PSPC1: variants seen among roughly 807,000 people sequenced by gnomAD.
The protein encoded by PSPC1 is paraspeckle protein 1.
A neutral mutation model predicts 51.6 loss-of-function variants in PSPC1; 14 were observed. The observed-to-expected ratio is 0.27, with a 90% CI of 0.18 to 0.42. PSPC1 has a LOEUF of 0.42. PSPC1 is among the 10% of genes least tolerant of loss of function. The pLI is 1.00. For synonymous variants in PSPC1, 193 were observed against 231.9 expected (o/e 0.83, Z 1.53); for missense variants, 406 against 701.1 (o/e 0.58, Z 4.75).
downstream of PSPC1, chr13:19,672,667 C>G (rs937011121): frequency 1.3e-5 from 2 of 156,726 alleles, no homozygotes; most frequent in African/African-American, 2.4e-5. Flanking sequence ...ACACATTCCC[C>G]AAGCACAAAA....
intron 6 of PSPC1, among the ~76,000 whole-genome samples, chr13:19,722,934 A>AC (rs1180074434): frequency 3.3e-5 from 5 of 151,984 alleles, no homozygotes; most frequent in Non-Finnish European, 7.4e-5. Context: ...ACATGGTGAA[A>AC]CCCCATCTCT....
chr13:19,684,014 CA>C (rs1565955939), intron 6 of PSPC1, among the ~76,000 whole-genome samples: 2 of 152,014 alleles, frequency 1.3e-5, no homozygotes, highest in African/African-American at 4.8e-5. Flanking sequence ...TGAAAAATAC[CA>C]AATTCTAGAG....
intron 7 of PSPC1, 108 bp downstream of exon 7, chr13:19,709,434 T>A (rs2137770810): frequency 1.3e-6 from 1 of 791,590 alleles, no homozygotes; most frequent in Non-Finnish European, 2.0e-6. Context: ...CCTTTAGAAA[T>A]GTTGGTTCTG....
At chr13:19,699,909 T>C (rs565568201), downstream of PSPC1, among the ~76,000 whole-genome samples, 6 of 152,150 alleles carry the variant, frequency 3.9e-5, no homozygotes, top group Middle Eastern at 6.8e-3. Flanking sequence ...GTAACAAAAC[T>C]CTGAACACCT....
downstream of PSPC1, among the ~76,000 whole-genome samples, chr13:19,698,101 A>G (rs1879460841): frequency 6.6e-6 from 1 of 152,064 alleles, no homozygotes; most frequent in Admixed American, 6.6e-5. Flanking sequence ...AGCAGCTAGA[A>G]CAGGAAAGAA....
intron 2 of PSPC1, among the ~76,000 whole-genome samples, chr13:19,762,943 T>G (rs533300723): frequency 6.6e-6 from 1 of 151,834 alleles, no homozygotes; most frequent in East Asian, 2.0e-4. Context: ...CCGTCTCTAC[T>G]AAATACAAAA....
intron 6 of PSPC1, among the ~76,000 whole-genome samples, chr13:19,717,527 G>A (rs1332138797): frequency 1.3e-5 from 2 of 151,828 alleles, no homozygotes; most frequent in East Asian, 1.9e-4. Context: ...TCAACATGGT[G>A]AAACCCATCT....
intron 5 of PSPC1, among the ~76,000 whole-genome samples, chr13:19,732,183 A>C (rs1884197004): frequency 6.6e-6 from 1 of 152,198 alleles, no homozygotes; most frequent in Non-Finnish European, 1.5e-5. Flanking sequence ...AATCTGGACT[A>C]TTTTAAGATT....
At chr13:19,749,637 C>CT (rs59422281) in intron 4 of PSPC1, among the ~76,000 whole-genome samples, 97,515 of 138,262 alleles carry the variant, frequency 0.71, 35,950 homozygotes, top group East Asian at 0.89. Context: ...GACAGTTTAT[C>CT]TTTTTTTTTT....
At chr13:19,703,956 T>C (rs925325381) in intron 8 of PSPC1, among the ~76,000 whole-genome samples, 4 of 152,202 alleles carry the variant, frequency 2.6e-5, no homozygotes, top group African/African-American at 9.6e-5. Flanking sequence ...CATGCACTAA[T>C]AAGCACATTT....
Position 19,765,344 on chromosome 13 carries a change from AATT to A in PSPC1, c.675-5929_675-5927del, listed in dbSNP as rs749463540. On this transcript the variant is annotated intron_variant, in intron 2 of 8. Transcript: ENST00000338910. ...TCTCAAAAATAATAATAATAATAAT[AATT>A]ATTATTATTATTATTATTACCAGGA... is the stretch of plus-strand genomic sequence containing the variant. 1.3e-3 allele frequency among the ~76,000 whole-genome samples: 186 copies of A among 141,352 alleles called. 1 individual carries two copies. Among genetic ancestry groups the A allele is most frequent in the African/African-American group, 2.1e-3 (76 of 37,040 alleles). The allele number at this position is 141,352 out of a possible 152,430, so 92.7% of individuals were successfully genotyped here.
chr13:19,770,666 T>C (rs1888540706), intron 2 of PSPC1, among the ~76,000 whole-genome samples: 1 of 152,088 alleles, frequency 6.6e-6, no homozygotes, highest in Non-Finnish European at 1.5e-5. Flanking sequence ...TTCACGCTTG[T>C]AATCCCAACT....
intron 7 of PSPC1, among the ~76,000 whole-genome samples, chr13:19,706,589 C>T (rs1880701991): frequency 6.6e-6 from 1 of 151,852 alleles, no homozygotes; most frequent in Non-Finnish European, 1.5e-5. Context: ...TAAAAAAATC[C>T]ACCTACCTCA....
At chr13:19,682,673 C>T (rs1023339775) in intron 6 of PSPC1, among the ~76,000 whole-genome samples, 3 of 151,958 alleles carry the variant, frequency 2.0e-5, no homozygotes, top group Non-Finnish European at 4.4e-5. Flanking sequence ...GTCAAGGATG[C>T]GGAGGAACGG....
intron 6 of PSPC1, among the ~76,000 whole-genome samples, chr13:19,711,493 C>G (rs994934383): frequency 6.6e-6 from 1 of 151,968 alleles, no homozygotes; most frequent in African/African-American, 2.4e-5. Flanking sequence ...AAAAAATTAG[C>G]CAGGTGTGGT....
chr13:19,779,798 C>A (rs1889696660), intron 1 of PSPC1, among the ~76,000 whole-genome samples: 1 of 79,714 alleles, frequency 1.3e-5, no homozygotes, highest in Non-Finnish European at 2.6e-5. Flanking sequence ...CTCTGCCCGG[C>A]CGCCCCTACT....
intron 2 of PSPC1, among the ~76,000 whole-genome samples, chr13:19,765,497 ATT>A (rs68120306): frequency 0.77 from 96,155 of 124,170 alleles, 37,521 homozygotes; most frequent in East Asian, 0.9. Context: ...AAGGGATCTA[ATT>A]TTTTTTTTTT....
downstream of PSPC1, among the ~76,000 whole-genome samples, chr13:19,673,882 C>T (rs1186551893): frequency 2.0e-5 from 3 of 152,200 alleles, no homozygotes; most frequent in African/African-American, 7.2e-5. Flanking sequence ...CAGGTCAAGG[C>T]CCAGGGCAAT....
At chr13:19,758,827 C>T (rs1287140807) in intron 3 of PSPC1, among the ~76,000 whole-genome samples, 1 of 149,458 alleles carries the variant, frequency 6.7e-6, no homozygotes, top group Admixed American at 6.7e-5. Flanking sequence ...AGGAGTAAGA[C>T]TCCATCTCAA....
Sources: gnomAD v4.1 joint callset for allele counts (sites outside exome capture counted in the v4.1 genomes callset) on GRCh38, gnomAD v4.1.1 for gene constraint, MANE v1.5 for transcripts, NCBI Gene and HGNC (gene_info 2026-07-23, HGNC 2026-07-21) for gene names.